NLGN1: variants seen among roughly 807,000 people sequenced by gnomAD.
NLGN1 encodes the protein neuroligin-1.
Under a neutral mutation model 65.5 loss-of-function variants are expected in NLGN1, and 12 were observed. The ratio of observed to expected loss-of-function variants is 0.18; its 90% confidence interval spans 0.12 to 0.30. NLGN1 has a LOEUF of 0.30. Ranked by LOEUF, NLGN1 falls within the 10% of genes least tolerant of loss-of-function variation. The pLI is 1.00. For missense variants in NLGN1, 750 were observed against 1,007.1 expected, an observed-to-expected ratio of 0.74 and a Z score of 3.46; for synonymous variants, 350 against 359.5, an observed-to-expected ratio of 0.97 and a Z score of 0.30.
At chr3:173,845,602 G>A (rs1317339794) in intron 4 of NLGN1, among the ~76,000 whole-genome samples, 1 of 131,158 alleles carries the variant, frequency 7.6e-6, no homozygotes. Flanking sequence ...ATAGGTAGGT[G>A]GATGGATAGA....
chr3:173,438,440 C>G (rs1718549451), intron 2 of NLGN1, among the ~76,000 whole-genome samples: 1 of 152,080 alleles, frequency 6.6e-6, no homozygotes, highest in African/African-American at 2.4e-5. Context: ...GTTAAAGAGA[C>G]ATGCCAACTT....
chr3:173,980,023 G>A lies in NLGN1; in HGVS notation c.646+172191G>A, dbSNP rs116452915. Among the ~76,000 whole-genome samples, 793 of 152,006 alleles carry A rather than the reference G, an allele frequency of 5.2e-3. 6 individuals are homozygous for A. Among genetic ancestry groups the A allele is most frequent in the East Asian group, 0.019 (99 of 5,154 alleles). On this transcript the variant is annotated intron_variant, in intron 4 of 6. Coordinates refer to ENST00000457714, the Ensembl canonical transcript of NLGN1. ...CTCATCTTCTGGATTGAAACATGAC[G>A]TATTAAGAACCTGAAGGTTTTGAAG...
intron 3 of NLGN1, among the ~76,000 whole-genome samples, chr3:173,693,727 A>G (rs1474250912): frequency 1.3e-5 from 2 of 152,074 alleles, no homozygotes; most frequent in Non-Finnish European, 2.9e-5. Flanking sequence ...AAAACAGGAA[A>G]TGGTGTTCAG....
chr3:173,480,015 A>G (rs1031654938), intron 2 of NLGN1, among the ~76,000 whole-genome samples: 1 of 152,156 alleles, frequency 6.6e-6, no homozygotes, highest in Non-Finnish European at 1.5e-5. Flanking sequence ...TGAATATGTA[A>G]AGAGATGGAC....
At chr3:174,087,463 C>T (rs1156796727) in intron 4 of NLGN1, among the ~76,000 whole-genome samples, 2 of 152,004 alleles carry the variant, frequency 1.3e-5, no homozygotes, top group African/African-American at 2.4e-5. Flanking sequence ...ATGAAAAGTG[C>T]TTTTATTATT....
At chr3:173,584,259 A>AAG (rs1371787097) in intron 2 of NLGN1, among the ~76,000 whole-genome samples, 1 of 150,734 alleles carries the variant, frequency 6.6e-6, no homozygotes, top group African/African-American at 2.4e-5. Context: ...AAAAAAAAAA[A>AAG]GGTGAGGAGA....
At chr3:173,399,325 C>G (rs1253420533) in intron 1 of NLGN1, among the ~76,000 whole-genome samples, 1 of 152,226 alleles carries the variant, frequency 6.6e-6, no homozygotes, top group Non-Finnish European at 1.5e-5. Context: ...TCAGCAGATT[C>G]TACTAGAGTT....
intron 4 of NLGN1, among the ~76,000 whole-genome samples, chr3:174,167,225 A>T (rs961083534): frequency 4.6e-5 from 7 of 151,904 alleles, no homozygotes; most frequent in African/African-American, 1.7e-4. Context: ...CCTATTGTGA[A>T]GTTGTTAGCT....
chr3:173,915,435 G>A (rs1352333564), intron 4 of NLGN1, among the ~76,000 whole-genome samples: 1 of 152,176 alleles, frequency 6.6e-6, no homozygotes, highest in Non-Finnish European at 1.5e-5. Flanking sequence ...GTAGACTGAA[G>A]TCTATATCTG....
intron 4 of NLGN1, among the ~76,000 whole-genome samples, chr3:174,001,832 C>T (rs979671150): frequency 6.6e-6 from 1 of 152,016 alleles, no homozygotes; most frequent in East Asian, 1.9e-4. Flanking sequence ...TGTTAGGGGA[C>T]ATTTGCCAAT....
At chr3:173,788,206 CAAA>C (rs537790655) in intron 3 of NLGN1, among the ~76,000 whole-genome samples, 1 of 60,834 alleles carries the variant, frequency 1.6e-5, no homozygotes. Context: ...TGACATTTTG[CAAA>C]AAAAAAAAAA....
At chr3:173,755,486 T>A (rs1776956563) in intron 3 of NLGN1, among the ~76,000 whole-genome samples, 1 of 152,064 alleles carries the variant, frequency 6.6e-6, no homozygotes, top group South Asian at 2.1e-4. Flanking sequence ...ACATTTGACA[T>A]GTTGTAGGTT....
At chr3:173,915,514 A>G (rs909525507) in intron 4 of NLGN1, among the ~76,000 whole-genome samples, 2 of 152,214 alleles carry the variant, frequency 1.3e-5, no homozygotes, top group Admixed American at 6.5e-5. Flanking sequence ...AGAGCATTCA[A>G]GAAGGAAAAC....
intron 4 of NLGN1, chr3:173,920,411 T>A (rs1405209173): frequency 6.6e-6 from 1 of 152,206 alleles, no homozygotes; most frequent in Non-Finnish European, 1.5e-5. Context: ...CCATATCTTG[T>A]ATCACATCAT....
At chr3:173,924,636 A>T (rs566558299) in intron 4 of NLGN1, among the ~76,000 whole-genome samples, 61 of 151,734 alleles carry the variant, frequency 4.0e-4, no homozygotes, top group Middle Eastern at 3.4e-3. Flanking sequence ...AAAAAAAATA[A>T]AAATAAAAAT....
In NLGN1 at chr3:173,772,237, C is replaced by T. The variant is rs551439028; in HGVS notation, c.494-35443C>T. Among the ~76,000 whole-genome samples, 34 of 152,120 alleles carry T rather than the reference C, an allele frequency of 2.2e-4. No individual in the cohort carries two copies. The East Asian group carries it at 4.6e-3, about 21-fold the overall frequency. ...AGGTTTCTTTTTTTATTTGAAAGAG[C>T]AGTTTTTATTATAATGAAGTTAAAA... On this transcript the variant is annotated intron_variant, in intron 3 of 6. Transcript: ENST00000457714.
At chr3:174,007,972 G>T (rs1724788592) in intron 4 of NLGN1, among the ~76,000 whole-genome samples, 1 of 152,018 alleles carries the variant, frequency 6.6e-6, no homozygotes, top group Non-Finnish European at 1.5e-5. Flanking sequence ...GTGTGTGTGT[G>T]TGTGTGTGTG....
intron 4 of NLGN1, among the ~76,000 whole-genome samples, chr3:174,166,541 G>C (rs1014626549): frequency 6.6e-6 from 1 of 152,084 alleles, no homozygotes; most frequent in African/African-American, 2.4e-5. Flanking sequence ...CATGGTCCAA[G>C]AGTGTGGTTG....
At chr3:173,397,111 G>T (rs189826778), upstream of NLGN1, among the ~76,000 whole-genome samples, 414 of 152,054 alleles carry the variant, frequency 2.7e-3, 3 homozygotes, top group African/African-American at 9.4e-3. Flanking sequence ...TTTTTTAAGC[G>T]TTGGGGTTCA....
Sources: gnomAD v4.1 joint callset for allele counts (sites outside exome capture counted in the v4.1 genomes callset) on GRCh38, gnomAD v4.1.1 for gene constraint, MANE v1.5 for transcripts, NCBI Gene and HGNC (gene_info 2026-07-23, HGNC 2026-07-21) for gene names.